The following XIRP2 variants were observed in gnomAD, a reference collection of about 807,000 sequenced individuals.
The protein encoded by XIRP2 is xin actin binding repeat containing 2.
Under a neutral mutation model 277.0 loss-of-function variants are expected in XIRP2, and 236 were observed. The ratio of observed to expected loss-of-function variants is 0.85; its 90% confidence interval spans 0.77 to 0.95. The LOEUF (loss-of-function observed/expected upper bound fraction) is 0.95. XIRP2 is among the 40% of genes least tolerant of loss of function. The pLI is 0.00. For missense variants in XIRP2, 4,640 were observed against 4,157.5 expected (o/e 1.12, Z -3.19); for synonymous variants, 1,490 against 1,416.5 (o/e 1.05, Z -1.17).
In XIRP2 at chr2:167,247,370, G is replaced by A. The variant is rs371858271; in HGVS notation, c.5978G>A (p.Gly1993Glu). Residue 1993 changes from glycine to glutamate, a missense_variant, in exon 9 of 11, where the codon GGA becomes GAA. Transcript: ENST00000409195. ...GAGCCAGCGGCCAAGTGGCAAGGGGGAGCAGATACTCTCAGTCAAACTATG... is the reference window on the plus strand; with the variant it reads ...GAGCCAGCGGCCAAGTGGCAAGGGGAAGCAGATACTCTCAGTCAAACTATG... ...PFEPAAKWQG[G>E]ADTLSQTMGK... The A allele has an allele frequency of 1.2e-6, 2 of 1,613,656 alleles. No individual in the cohort carries two copies. The highest frequency in any genetic ancestry group is 1.1e-5 in the South Asian group (1 of 91,072).
Position 167,249,955 on chromosome 2 carries a change from C to T in XIRP2, c.8563C>T (p.Gln2855Ter), listed in dbSNP as rs762043166. 1.9e-6 allele frequency: 3 copies of T among 1,613,532 alleles called. No homozygotes were observed. The highest frequency in any genetic ancestry group is 2.5e-6 in the Non-Finnish European group (3 of 1,179,686). The change falls in exon 9 of 11, where the codon CAA becomes TAA. Residue 2855 changes from glutamine to a stop codon, truncating the protein, a stop_gained. Transcript: ENST00000409195. LOFTEE classifies it high-confidence loss of function. Reference protein sequence around the residue: ...KNKSAPKVVKQKVIDAHLDSQ... With the variant: ...KNKSAPKVVK Reference sequence around the variant, plus strand: ...TAAATCAGCACCAAAGGTCGTCAAGCAAAAGGTTATCGATGCACATCTTGA... The same window carrying T: ...TAAATCAGCACCAAAGGTCGTCAAGTAAAAGGTTATCGATGCACATCTTGA...
At chr2:167,138,725 C>A (rs1691626772) in intron 3 of XIRP2, among the ~76,000 whole-genome samples, 1 of 152,080 alleles carries the variant, frequency 6.6e-6, no homozygotes, top group South Asian at 2.1e-4. Context: ...GAAAACAAAT[C>A]AATCAGTGTA....
chr2:166,968,055 A>C (rs1033271115), intron 2 of XIRP2, among the ~76,000 whole-genome samples: 2 of 151,952 alleles, frequency 1.3e-5, no homozygotes, highest in African/African-American at 4.8e-5. Context: ...CTACAGTTGC[A>C]CGTGTTAGAT....
chr2:167,254,123 A>C lies in XIRP2; in HGVS notation c.10647A>C (p.Ser3549=), dbSNP rs760156330. 2 of 1,610,842 alleles carry C rather than the reference A, an allele frequency of 1.2e-6. No individual in the cohort carries two copies. The highest frequency in any genetic ancestry group is 1.7e-6 in the Non-Finnish European group (2 of 1,178,238). Residue 3549 remains serine (S), a synonymous_variant, in exon 10 of 11, where the codon TCA becomes TCC. Coordinates refer to ENST00000409195, the MANE Select transcript of XIRP2 (RefSeq NM_152381.6). Reference sequence around the variant, plus strand: ...CTAGTGGCAGACAAGCAGAATTTTCATAAGTCCTGCTTCCGATGCCACCAT... The same window carrying C: ...CTAGTGGCAGACAAGCAGAATTTTCCTAAGTCCTGCTTCCGATGCCACCAT... ...GVPSGRQAEF[S] is the part of the protein sequence containing the mutation.
At chr2:167,031,363 T>C (rs1260466841) in intron 2 of XIRP2, among the ~76,000 whole-genome samples, 6 of 152,124 alleles carry the variant, frequency 3.9e-5, no homozygotes, top group Admixed American at 2.6e-4. Context: ...AGTGCTTCCT[T>C]CAGGAGCTCT....
chr2:167,155,711 G>A (rs4521008), intron 3 of XIRP2, among the ~76,000 whole-genome samples: 151,533 of 151,554 alleles, frequency 1, 75,756 homozygotes, highest in Middle Eastern at 1. Context: ...CTCTCTCACC[G>A]CTCCTATTCA....
At chr2:167,085,841 C>A (rs1265723970) in intron 2 of XIRP2, among the ~76,000 whole-genome samples, 3 of 152,148 alleles carry the variant, frequency 2.0e-5, no homozygotes, top group Non-Finnish European at 4.4e-5. Context: ...TGTGTCTCTG[C>A]ATGTGAGATG....
intron 3 of XIRP2, among the ~76,000 whole-genome samples, chr2:167,180,929 T>C (rs1436321480): frequency 9.2e-5 from 14 of 152,238 alleles, no homozygotes; most frequent in Non-Finnish European, 1.5e-5. Flanking sequence ...CTTGAATTAC[T>C]GATACTGTGC....
intron 2 of XIRP2, among the ~76,000 whole-genome samples, chr2:166,911,415 G>A (rs1216473985): frequency 2.0e-5 from 3 of 152,260 alleles, no homozygotes; most frequent in Non-Finnish European, 2.9e-5. Flanking sequence ...TGTTTTATCA[G>A]AGACTAGGAT....
intron 2 of XIRP2, among the ~76,000 whole-genome samples, chr2:167,090,452 A>T (rs1396997514): frequency 6.6e-6 from 1 of 152,084 alleles, no homozygotes; most frequent in African/African-American, 2.4e-5. Context: ...CTTTTGTTTT[A>T]TCTGTGTCTG....
chr2:167,050,004 A>G (rs1688877634), intron 2 of XIRP2, among the ~76,000 whole-genome samples: 1 of 152,026 alleles, frequency 6.6e-6, no homozygotes, highest in Admixed American at 6.6e-5. Context: ...ATGAGTTTTG[A>G]ATGCTCACTG....
chr2:166,979,641 T>C (rs1408632266), intron 2 of XIRP2, among the ~76,000 whole-genome samples: 1 of 152,136 alleles, frequency 6.6e-6, no homozygotes, highest in African/African-American at 2.4e-5. Flanking sequence ...TTCATTGAGA[T>C]AATGTAATTT....
intron 3 of XIRP2, among the ~76,000 whole-genome samples, chr2:167,193,641 G>C (rs1693413056): frequency 6.6e-6 from 1 of 152,228 alleles, no homozygotes; most frequent in South Asian, 2.1e-4. Flanking sequence ...ACTTTGGGAG[G>C]CTGAGGGAGG....
At chr2:167,143,085 G>A (rs1045335235) in intron 3 of XIRP2, among the ~76,000 whole-genome samples, 5 of 152,082 alleles carry the variant, frequency 3.3e-5, no homozygotes, top group East Asian at 1.9e-4. Flanking sequence ...AATTCTTTTC[G>A]GTATCAGAGG....
chr2:166,937,511 G>C (rs1241116846), intron 2 of XIRP2, among the ~76,000 whole-genome samples: 2 of 152,038 alleles, frequency 1.3e-5, no homozygotes, highest in African/African-American at 4.8e-5. Flanking sequence ...ATTTTTTTGA[G>C]GATTTTTGCA....
At chr2:167,224,579 G>A (rs1694538473) in intron 5 of XIRP2, among the ~76,000 whole-genome samples, 1 of 151,890 alleles carries the variant, frequency 6.6e-6, no homozygotes, top group Middle Eastern at 3.2e-3. Flanking sequence ...TTTTGAAGGG[G>A]ATAAACCTTC....
At chr2:166,962,784 A>C (rs2105409506) in intron 2 of XIRP2, among the ~76,000 whole-genome samples, 1 of 151,928 alleles carries the variant, frequency 6.6e-6, no homozygotes, top group African/African-American at 2.4e-5. Context: ...GCATTTTATC[A>C]GGAATATTAG....
chr2:167,237,498 A>G (rs1410390936), intron 5 of XIRP2, among the ~76,000 whole-genome samples: 1 of 152,120 alleles, frequency 6.6e-6, no homozygotes, highest in Non-Finnish European at 1.5e-5. Context: ...GGCCAACTAC[A>G]AGGTATATGC....
chr2:166,994,688 CAAAA>C (rs572251724), intron 2 of XIRP2, among the ~76,000 whole-genome samples: 1 of 107,496 alleles, frequency 9.3e-6, no homozygotes, highest in Admixed American at 8.9e-5. Context: ...CTCAGTCTAT[CAAAA>C]AAAAAAAAAA....
Sources: gnomAD v4.1 joint callset for allele counts (sites outside exome capture counted in the v4.1 genomes callset) on GRCh38, gnomAD v4.1.1 for gene constraint, MANE v1.5 for transcripts, NCBI Gene and HGNC (gene_info 2026-07-23, HGNC 2026-07-21) for gene names.